The following EPHA6 variants were observed in gnomAD, a reference collection of about 807,000 sequenced individuals.
The protein encoded by EPHA6 is ephrin type-A receptor 6.
Under a neutral mutation model 112.0 loss-of-function variants are expected in EPHA6, and 50 were observed. That is an observed-to-expected ratio of 0.45 (90% CI 0.36 to 0.56). The LOEUF is 0.56. Among genes scored for constraint, EPHA6 ranks in the 20% least tolerant of loss-of-function variants. The pLI is 0.00. For missense variants in EPHA6, 1,280 were observed against 1,417.4 expected (o/e 0.90, Z 1.56); for synonymous variants, 529 against 490.7 (o/e 1.08, Z -1.03).
intron 11 of EPHA6, among the ~76,000 whole-genome samples, chr3:97,577,548 G>A (rs921548718): frequency 1.3e-5 from 2 of 152,000 alleles, no homozygotes; most frequent in African/African-American, 4.8e-5. Flanking sequence ...ACAAAAAATT[G>A]TTTCCAATTT....
chr3:96,841,724 C>A (rs1055998802), intron 1 of EPHA6, among the ~76,000 whole-genome samples: 1 of 132,608 alleles, frequency 7.5e-6, no homozygotes, highest in African/African-American at 3.9e-5. Context: ...GAACTTTTGT[C>A]ATTTTTTTCT....
chr3:96,865,936 A>G (rs1429090583), intron 1 of EPHA6, among the ~76,000 whole-genome samples: 1 of 151,896 alleles, frequency 6.6e-6, no homozygotes. Flanking sequence ...GTCTTTCCCA[A>G]TCGTTTCTAT....
chr3:96,869,260 G>T (rs142035444), intron 2 of EPHA6, among the ~76,000 whole-genome samples: 19 of 151,868 alleles, frequency 1.3e-4, no homozygotes, highest in African/African-American at 4.6e-4. Flanking sequence ...GAATCACTAG[G>T]CCAAAGAATG....
At chr3:97,128,536 T>C (rs2048245397) in intron 3 of EPHA6, among the ~76,000 whole-genome samples, 1 of 152,076 alleles carries the variant, frequency 6.6e-6, no homozygotes, top group Admixed American at 6.6e-5. Flanking sequence ...TTGGAGACAG[T>C]GTCTCACTCT....
At chr3:97,550,536 A>C (rs1440615217) in intron 11 of EPHA6, among the ~76,000 whole-genome samples, 23 of 152,232 alleles carry the variant, frequency 1.5e-4, no homozygotes, top group Admixed American at 1.5e-3. Context: ...TGACCTGAGA[A>C]GGATCTTTGT....
At chr3:97,187,736 AGAAAGAAAGAG>A (rs2077192113) in intron 3 of EPHA6, among the ~76,000 whole-genome samples, 2 of 148,316 alleles carry the variant, frequency 1.3e-5, no homozygotes, top group African/African-American at 5.0e-5. Flanking sequence ...AAAGAAAGAA[AGAAAGAAAGAG>A]GAAAGAAAGA....
chr3:97,646,317 C>CT, intron 14 of EPHA6: 1 of 1,495,506 alleles, frequency 6.7e-7, no homozygotes, highest in Non-Finnish European at 8.8e-7. Flanking sequence ...AACAGTGAGT[C>CT]TTTCAGAGCC....
chr3:97,373,750 A>G (rs1172015444), intron 5 of EPHA6, among the ~76,000 whole-genome samples: 1 of 152,160 alleles, frequency 6.6e-6, no homozygotes, highest in African/African-American at 2.4e-5. Context: ...ATCTTGCTTT[A>G]TATTACTAAG....
chr3:96,816,693 G>A (rs2032813711), intron 1 of EPHA6, among the ~76,000 whole-genome samples: 1 of 151,898 alleles, frequency 6.6e-6, no homozygotes, highest in Admixed American at 6.6e-5. Context: ...TACCTATGAT[G>A]CATCAGTAAC....
intron 3 of EPHA6, among the ~76,000 whole-genome samples, chr3:97,078,166 A>G (rs1473486097): frequency 2.0e-5 from 3 of 152,036 alleles, no homozygotes; most frequent in Non-Finnish European, 4.4e-5. Context: ...ATTTTTTCAC[A>G]TGTCTGTTGG....
At chr3:97,068,217 G>C (rs2108148078) in intron 3 of EPHA6, among the ~76,000 whole-genome samples, 1 of 149,272 alleles carries the variant, frequency 6.7e-6, no homozygotes, top group East Asian at 2.0e-4. Context: ...GTTTTTGGTT[G>C]TTTAATGGTG....
At chr3:97,076,570 T>C (rs2046533543) in intron 3 of EPHA6, among the ~76,000 whole-genome samples, 1 of 152,154 alleles carries the variant, frequency 6.6e-6, no homozygotes, top group Non-Finnish European at 1.5e-5. Context: ...ATCCAGAAGA[T>C]CTAGCTAATA....
chr3:97,692,587 CT>C (rs1477800526), intron 14 of EPHA6, among the ~76,000 whole-genome samples: 2 of 152,186 alleles, frequency 1.3e-5, no homozygotes, highest in African/African-American at 4.8e-5. Flanking sequence ...CTGCCATTTT[CT>C]GAATAATTTA....
intron 10 of EPHA6, among the ~76,000 whole-genome samples, chr3:97,518,107 C>T (rs1466010667): frequency 6.6e-6 from 1 of 152,076 alleles, no homozygotes; most frequent in Non-Finnish European, 1.5e-5. Context: ...TGGGTATATA[C>T]CCAGAAGTGG....
chr3:97,706,795 T>C (rs1211856756), intron 14 of EPHA6, among the ~76,000 whole-genome samples: 1 of 152,002 alleles, frequency 6.6e-6, no homozygotes. Context: ...TGTTGTTTTT[T>C]TTTTTTTGCT....
chr3:97,447,371 C>T (rs2090381001), intron 6 of EPHA6, among the ~76,000 whole-genome samples: 1 of 152,036 alleles, frequency 6.6e-6, no homozygotes, highest in Non-Finnish European at 1.5e-5. Context: ...ATATTATAGA[C>T]AGAATTTAAG....
chr3:96,938,764 T>A (rs1367711687), intron 2 of EPHA6, among the ~76,000 whole-genome samples: 1 of 151,916 alleles, frequency 6.6e-6, no homozygotes, highest in Non-Finnish European at 1.5e-5. Context: ...ATAGCTCTTA[T>A]TATTTTGAGA....
Position 97,165,088 on chromosome 3 carries a change from T to C in EPHA6, c.1115-61176T>C, listed in dbSNP as rs189520329. ...ACATTTTTGTTACTAGTCTTCTACA[T>C]ATAGAGGTAGAGAAAAACTGGTCAC... is the stretch of plus-strand genomic sequence containing the variant. On this transcript the variant is annotated intron_variant, in intron 3 of 17. Transcript: ENST00000389672. 1.4e-3 allele frequency among the ~76,000 whole-genome samples: 207 copies of C among 152,290 alleles called. 2 individuals carry two copies. Among genetic ancestry groups the C allele is most frequent in the Admixed American group, 2.9e-3 (45 of 15,280 alleles).
intron 3 of EPHA6, among the ~76,000 whole-genome samples, chr3:97,092,449 T>A (rs2108233734): frequency 6.6e-6 from 1 of 152,208 alleles, no homozygotes; most frequent in South Asian, 2.1e-4. Context: ...AGGACTAGTC[T>A]TAGGCCTGAG....
Sources: allele counts gnomAD v4.1 joint callset (sites outside exome capture counted in the v4.1 genomes callset), GRCh38; gene constraint gnomAD v4.1.1; transcripts MANE v1.5; gene names NCBI Gene and HGNC (gene_info 2026-07-23, HGNC 2026-07-21).